PCDHGA8: variants seen among roughly 807,000 people sequenced by gnomAD.
The protein encoded by PCDHGA8 is protocadherin gamma subfamily A, 8.
PCDHGA8 carries 45 observed loss-of-function variants against 59.2 expected under a neutral mutation model. The ratio of observed to expected loss-of-function variants is 0.76; its 90% CI spans 0.60 to 0.98. PCDHGA8 has a LOEUF of 0.98. Among genes scored for constraint, PCDHGA8 ranks in the 50% least tolerant of loss-of-function variants. The pLI, the probability that PCDHGA8 is intolerant of heterozygous loss-of-function variation, is 0.00. For synonymous variants in PCDHGA8, 531 were observed against 519.0 expected (o/e 1.02, Z -0.32); for missense variants, 1,257 against 1,196.2 (o/e 1.05, Z -0.75).
intron 2 of PCDHGA8, among the ~76,000 whole-genome samples, chr5:141,496,538 T>G (rs568286018): frequency 1.5e-4 from 23 of 152,266 alleles, no homozygotes; most frequent in African/African-American, 5.5e-4. Flanking sequence ...TGGCAGAGAT[T>G]CCAGCTTCTG....
intron 1 of PCDHGA8, chr5:141,417,742 G>A: frequency 7.0e-7 from 1 of 1,418,808 alleles, no homozygotes. Flanking sequence ...CAGCACACCA[G>A]ATTGCCAGCT....
Position 141,490,850 on chromosome 5 carries a change from G to A in PCDHGA8, c.2425-3957G>A, listed in dbSNP as rs374508743. The A allele has an allele frequency of 7.2e-5, 116 of 1,613,706 alleles. No homozygotes were observed. The highest frequency in any genetic ancestry group is 9.5e-5 in the Non-Finnish European group (112 of 1,179,902). ...ATGCTGCAGATTGTGGTGGGGGTTC[G>A]AGACTCCGGCTCTCCCCCATTGCAT... On this transcript the variant is annotated intron_variant, in intron 1 of 3. Transcript: ENST00000398604. This position sits in a 1 kb window ranked among gnomAD's most constrained non-coding sequence, Gnocchi z 5.4.
At chr5:141,410,192 T>G (rs748013890) in intron 1 of PCDHGA8, 1 of 1,613,980 alleles carries the variant, frequency 6.2e-7, no homozygotes, top group Non-Finnish European at 8.5e-7. Context: ...TCATCTGGTC[T>G]TCGCAGACAA....
chr5:141,484,922 GC>G (rs869160673), intron 1 of PCDHGA8: 1 of 481,378 alleles, frequency 2.1e-6, no homozygotes, highest in South Asian at 2.8e-5. Context: ...TAACCCTGCT[GC>G]TGTTGGGACG....
chr5:141,494,935 G>A, intron 2 of PCDHGA8, 70 bp downstream of exon 2: 1 of 1,612,482 alleles, frequency 6.2e-7, no homozygotes, highest in Non-Finnish European at 8.5e-7. Flanking sequence ...GGGAGGAGAT[G>A]GGGGAGGGCC....
intron 1 of PCDHGA8, among the ~76,000 whole-genome samples, chr5:141,448,196 A>G (rs753761675): frequency 1.3e-5 from 2 of 152,176 alleles, no homozygotes; most frequent in Non-Finnish European, 2.9e-5. Context: ...TACACTTACA[A>G]ACATTTTCTG....
intron 1 of PCDHGA8, among the ~76,000 whole-genome samples, chr5:141,435,303 A>G (rs2097757060): frequency 6.6e-6 from 1 of 152,192 alleles, no homozygotes; most frequent in Admixed American, 6.5e-5. Flanking sequence ...TCATGGTTTT[A>G]AATCATTCAT....
At position 141,491,904 on chromosome 5, in the gene PCDHGA8, G is replaced by C; in HGVS notation, c.2425-2903G>C. The C allele has an allele frequency of 7.0e-7, 1 of 1,423,838 alleles. No individual in the cohort carries two copies. The allele number at this position is 1,423,838 out of a possible 1,614,324, so 88.2% of individuals were successfully genotyped here. ...GGATGGGGCTCCGAGCACCGGGGGT[G>C]GTGGCGACTGTGGGCGAGGGGAGGT... On this transcript the variant is annotated intron_variant, in intron 1 of 3. Coordinates refer to ENST00000398604, the MANE Select transcript of PCDHGA8 (RefSeq NM_032088.2). This position sits in a 1 kb window ranked among gnomAD's most constrained non-coding sequence, Gnocchi z 6.9.
At chr5:141,414,310 G>A in intron 1 of PCDHGA8, 1 of 1,613,722 alleles carries the variant, frequency 6.2e-7, no homozygotes, top group South Asian at 1.1e-5. Context: ...GCATGATTTA[G>A]ACTCTGAGCA....
At chr5:141,435,214 AC>A (rs1332585721) in intron 1 of PCDHGA8, among the ~76,000 whole-genome samples, 1 of 152,176 alleles carries the variant, frequency 6.6e-6, no homozygotes, top group African/African-American at 2.4e-5. Flanking sequence ...AAGTGAATTT[AC>A]TTTCTTTCAA....
intron 2 of PCDHGA8, 54 bp downstream of exon 2, chr5:141,494,919 T>A: frequency 6.2e-7 from 1 of 1,613,926 alleles, no homozygotes; most frequent in South Asian, 1.1e-5. Flanking sequence ...TTCTCAGGGA[T>A]GACGTGGGAG....
chr5:141,490,908 C>T lies in PCDHGA8; in HGVS notation c.2425-3899C>T, dbSNP rs201078924. On this transcript the variant is annotated intron_variant, in intron 1 of 3. Coordinates refer to ENST00000398604, the MANE Select transcript of PCDHGA8 (RefSeq NM_032088.2). This position sits in a 1 kb window ranked among gnomAD's most constrained non-coding sequence, Gnocchi z 5.4. The stretch of plus-strand genomic sequence containing the variant: ...CATCTCTGCATGTGTTTGTCCTAGA[C>T]GAGAATGATAATGCCCCAGCTGTGC... 42 of 1,613,710 alleles carry T rather than the reference C, an allele frequency of 2.6e-5. No homozygotes were observed. The highest frequency in any genetic ancestry group is 8.3e-5 in the Admixed American group (5 of 60,018).
chr5:141,477,867 C>CGGT lies in PCDHGA8; in HGVS notation c.2425-16940_2425-16939insGGT. On this transcript the variant is annotated intron_variant, in intron 1 of 3. Transcript: ENST00000398604. This position sits in a 1 kb window ranked among gnomAD's most constrained non-coding sequence, Gnocchi z 4.9. ...TCGGTGGAGATGCTGCCTCGAGGTA[C>CGGT]CTCAGCTGGCCACCTAGTGTCACGG... 6.2e-7 allele frequency: 1 copy of CGGT among 1,613,614 alleles called. No homozygotes were observed. Among genetic ancestry groups the CGGT allele is most frequent in the Non-Finnish European group, 8.5e-7 (1 of 1,179,854 alleles).
rs779949480 is a variant in PCDHGA8, at chr5:141,489,768, C to G, written c.2425-5039C>G. The G allele has an allele frequency of 6.2e-7, 1 of 1,614,134 alleles. No individual in the cohort carries two copies. The highest frequency in any genetic ancestry group is 1.1e-5 in the South Asian group (1 of 91,072). On this transcript the variant is annotated intron_variant, in intron 1 of 3. Coordinates refer to ENST00000398604, the MANE Select transcript of PCDHGA8 (RefSeq NM_032088.2). The surrounding 1 kb of genome is among the most constrained non-coding windows in gnomAD (Gnocchi z 4.5). ...GCTTTTACACTCTAAGCCCCAACAG[C>G]CACTTCTCTCTGAATGTGAAGACCC...
intron 3 of PCDHGA8, among the ~76,000 whole-genome samples, chr5:141,509,962 C>A (rs1186902807): frequency 2.0e-5 from 3 of 152,206 alleles, no homozygotes. Context: ...CGGGTATGGC[C>A]TTGGTCCTTC....
At position 141,432,275 on chromosome 5, in the gene PCDHGA8, T is replaced by C. The variant is rs775413198; in HGVS notation, c.2424+37038T>C. 2 of 1,614,232 alleles carry C rather than the reference T, an allele frequency of 1.2e-6. No homozygotes were observed. Among genetic ancestry groups the C allele is most frequent in the South Asian group, 2.2e-5 (2 of 91,086 alleles). On this transcript the variant is annotated intron_variant, in intron 1 of 3. Coordinates refer to ENST00000398604, the MANE Select transcript of PCDHGA8 (RefSeq NM_032088.2). This position sits in a 1 kb window ranked among gnomAD's most constrained non-coding sequence, Gnocchi z 6.0. ...AGGGGCAAGCCTATCGTCCTACGTG[T>C]CCATCAACTCCGACACTGGGGTACT... is the stretch of plus-strand genomic sequence containing the variant.
At chr5:141,469,790 T>G (rs956670031) in intron 1 of PCDHGA8, among the ~76,000 whole-genome samples, 2 of 152,224 alleles carry the variant, frequency 1.3e-5, no homozygotes, top group African/African-American at 4.8e-5. Context: ...GCGTTATTTG[T>G]AATTGCAAAA....
At chr5:141,500,500 C>T (rs6872480) in intron 2 of PCDHGA8, among the ~76,000 whole-genome samples, 1,599 of 152,210 alleles carry the variant, frequency 0.011, 36 homozygotes, top group African/African-American at 0.036. Context: ...TGAGCCACCG[C>T]GCCTGGCCGA....
chr5:141,441,737 C>T lies in PCDHGA8; in HGVS notation c.2424+46500C>T, dbSNP rs2098268916. 5 of 365,122 alleles carry T rather than the reference C, an allele frequency of 1.4e-5. 1 individual carries two copies. The highest frequency in any genetic ancestry group is 1.1e-4 in the South Asian group (5 of 46,286). 22.6% of individuals were successfully genotyped at this position (365,122 alleles called of 1,614,324 possible). ...TGCAGGCCCGCGACCAGGACTAGCT[C>T]GCGCTCGGCGTCAACGTGAGCCTGC... On this transcript the variant is annotated intron_variant, in intron 1 of 3. Transcript: ENST00000398604.
Sources: allele counts gnomAD v4.1 joint callset (sites outside exome capture counted in the v4.1 genomes callset), GRCh38; gene constraint gnomAD v4.1.1; non-coding constraint Gnocchi (gnomAD v3.1); transcripts MANE v1.5; gene names NCBI Gene and HGNC (gene_info 2026-07-23, HGNC 2026-07-21).